CHD2: variants seen among roughly 807,000 people sequenced by gnomAD.
The protein encoded by CHD2 is ATP-dependent chromatin remodeler CHD2.
CHD2 carries 28 observed loss-of-function variants against 243.9 expected under a neutral mutation model. That is an observed-to-expected ratio of 0.11 (90% CI 0.09 to 0.16). The LOEUF is 0.16. Ranked by LOEUF, CHD2 falls within the 10% of genes least tolerant of loss-of-function variation. CHD2 has a pLI of 1.00. For missense variants in CHD2, 1,386 were observed against 2,209.8 expected, an observed-to-expected ratio of 0.63 and a Z score of 7.47; for synonymous variants, 775 against 779.0, an observed-to-expected ratio of 0.99 and a Z score of 0.09.
chr15:92,929,232 T>A, intron 5 of CHD2, 141 bp downstream of exon 5: 1 of 698,110 alleles, frequency 1.4e-6, no homozygotes, highest in Non-Finnish European at 2.4e-6. Flanking sequence ...GGTGACTGTC[T>A]ACCTTGACCT....
In CHD2 at chr15:92,998,380, A is replaced by G. The variant is rs778480630; in HGVS notation, c.3886-119A>G. On this transcript the variant is annotated intron_variant, in intron 30 of 38. Coordinates refer to ENST00000394196, the MANE Select transcript of CHD2 (RefSeq NM_001271.4). This position sits in a 1 kb window ranked among gnomAD's most constrained non-coding sequence, Gnocchi z 5.1. The stretch of plus-strand genomic sequence containing the variant: ...TGAGATAGGATCTGAGGCTTTATCT[A>G]TATTTTGGGTGGTTGGGGAGGGAAA... The G allele has an allele frequency of 2.0e-6, 3 of 1,468,992 alleles. No homozygotes were observed. The highest frequency in any genetic ancestry group is 1.3e-5 in the South Asian group (1 of 75,322). 91.0% of individuals were successfully genotyped at this position (1,468,992 alleles called of 1,614,324 possible).
chr15:92,979,113 A>G (rs745592402), intron 21 of CHD2, 22 bp from the exon 22 acceptor site: 46 of 1,612,932 alleles, frequency 2.9e-5, no homozygotes, highest in Non-Finnish European at 3.6e-5. Context: ...AGGCATAAGC[A>G]TAACAGTTCC....
At chr15:92,973,700 C>T (rs1317600317) in intron 19 of CHD2, among the ~76,000 whole-genome samples, 1 of 152,186 alleles carries the variant, frequency 6.6e-6, no homozygotes, top group East Asian at 1.9e-4. Flanking sequence ...AATCGAATCC[C>T]TATGAGCTTT....
At chr15:92,971,463 A>G (rs796486840) in intron 17 of CHD2, among the ~76,000 whole-genome samples, 34 of 152,282 alleles carry the variant, frequency 2.2e-4, no homozygotes, top group African/African-American at 7.9e-4. Context: ...GTGTGTGTGT[A>G]TATATGTAAA....
chr15:92,939,006 CT>C (rs1191886805), intron 6 of CHD2, among the ~76,000 whole-genome samples: 6 of 151,572 alleles, frequency 4.0e-5, no homozygotes, highest in Admixed American at 6.6e-5. Flanking sequence ...CTGTAGGTTT[CT>C]TTATCCTGGA....
intron 38 of CHD2, chr15:93,021,825 C>T (rs890507387): frequency 1.3e-5 from 2 of 152,200 alleles, no homozygotes; most frequent in Non-Finnish European, 2.9e-5. Flanking sequence ...CAGTTGATAC[C>T]TCCTCACTGT....
At chr15:92,940,841 AATATATATAAAT>A (rs1490753687) in intron 7 of CHD2, among the ~76,000 whole-genome samples, 1 of 134,420 alleles carries the variant, frequency 7.4e-6, no homozygotes, top group African/African-American at 2.6e-5. Flanking sequence ...AATATATAAA[AATATATATAAAT>A]ATATAAATAT....
intron 7 of CHD2, among the ~76,000 whole-genome samples, chr15:92,940,941 A>C (rs2053365948): frequency 7.4e-6 from 1 of 135,118 alleles, no homozygotes. Flanking sequence ...TATATAAAAT[A>C]TATATAAATA....
chr15:92,924,764 G>T (rs974215645), intron 3 of CHD2, among the ~76,000 whole-genome samples: 1 of 152,138 alleles, frequency 6.6e-6, no homozygotes. Flanking sequence ...CAATTATAGG[G>T]AGGAAAGACA....
intron 5 of CHD2, among the ~76,000 whole-genome samples, chr15:92,935,176 C>T (rs186768512): frequency 0.015 from 2,292 of 152,044 alleles, 67 homozygotes; most frequent in Admixed American, 0.071. Context: ...GCTGGGACTA[C>T]GGGCGCCCGC....
chr15:92,960,151 A>G (rs2053666506), intron 16 of CHD2, among the ~76,000 whole-genome samples: 1 of 152,228 alleles, frequency 6.6e-6, no homozygotes, highest in East Asian at 1.9e-4. Context: ...AACCTATTAT[A>G]GAACTACAAT....
intron 5 of CHD2, among the ~76,000 whole-genome samples, chr15:92,929,374 T>G (rs1300862635): frequency 6.6e-6 from 1 of 152,158 alleles, no homozygotes; most frequent in East Asian, 1.9e-4. Context: ...ATTAGCCCAT[T>G]GATTTTTTTC....
intron 12 of CHD2, 38 bp downstream of exon 12, chr15:92,946,254 G>T: frequency 2.0e-6 from 3 of 1,520,618 alleles, no homozygotes; most frequent in East Asian, 4.5e-5. Context: ...TCAGGGAGAA[G>T]ATATACTGAT....
intron 33 of CHD2, among the ~76,000 whole-genome samples, chr15:93,003,731 G>A (rs953837251): frequency 4.6e-5 from 7 of 152,114 alleles, no homozygotes; most frequent in African/African-American, 1.7e-4. Context: ...CTACTGTGAA[G>A]TGGGTCCGAA....
intron 2 of CHD2, chr15:92,902,099 T>C (rs988846059): frequency 3.5e-5 from 14 of 397,538 alleles, no homozygotes; most frequent in Non-Finnish European, 4.4e-5. Context: ...AAGACATTGA[T>C]TTCCTGTTGG....
At position 92,972,372 on chromosome 15, in the gene CHD2, G is replaced by A; in HGVS notation, c.2460G>A (p.Leu820=). ...VLIFSQMVRM[L]DILAEYLTIK... Reference sequence around the variant, plus strand: ...TCTTCTCTCAGATGGTGAGAATGTTGGATATCCTGGCTGAATACCTAACTA... The same window carrying A: ...TCTTCTCTCAGATGGTGAGAATGTTAGATATCCTGGCTGAATACCTAACTA... The change falls in exon 19 of 39, where the codon TTG becomes TTA. Residue 820 remains leucine (L), a synonymous_variant. Transcript: ENST00000394196. 1 of 1,611,560 alleles carries A rather than the reference G, an allele frequency of 6.2e-7. No individual in the cohort carries two copies. Among genetic ancestry groups the A allele is most frequent in the Non-Finnish European group, 8.5e-7 (1 of 1,179,206 alleles).
rs2053122316 is a variant in CHD2 at position 92,929,341 on chromosome 15, G to C, written c.443+250G>C. 2.0e-5 allele frequency among the ~76,000 whole-genome samples: 3 copies of C among 152,052 alleles called. No homozygotes were observed. In the South Asian group the frequency reaches 6.2e-4, roughly 32 times the overall value. On this transcript the variant is annotated intron_variant, in intron 5 of 38. Coordinates refer to ENST00000394196, the MANE Select transcript of CHD2 (RefSeq NM_001271.4). ...GAGCTTTTGCTTGGGATAAATCTCA[G>C]CTTCTTCCATCGGGTTAACCCAATT...
At chr15:92,919,593 T>C (rs1366153253) in intron 2 of CHD2, among the ~76,000 whole-genome samples, 1 of 152,134 alleles carries the variant, frequency 6.6e-6, no homozygotes, top group Non-Finnish European at 1.5e-5. Flanking sequence ...GGTTTCACCG[T>C]GTTAGCCAGG....
chr15:92,927,139 C>A, intron 3 of CHD2, 105 bp from the exon 4 acceptor site: 1 of 825,968 alleles, frequency 1.2e-6, no homozygotes, highest in Non-Finnish European at 1.9e-6. Flanking sequence ...CAAAACAACC[C>A]TTTTGATACT....
Sources: allele counts gnomAD v4.1 joint callset (sites outside exome capture counted in the v4.1 genomes callset), GRCh38; gene constraint gnomAD v4.1.1; non-coding constraint Gnocchi (gnomAD v3.1); transcripts MANE v1.5; gene names NCBI Gene and HGNC (gene_info 2026-07-23, HGNC 2026-07-21).